Variants in ZRANB3 observed in about 807,000 individuals in gnomAD.
ZRANB3 encodes DNA annealing helicase and endonuclease ZRANB3.
Under a neutral mutation model 133.8 loss-of-function variants are expected in ZRANB3, and 125 were observed. The observed-to-expected ratio is 0.93, with a 90% confidence interval of 0.81 to 1.08. ZRANB3 has a LOEUF of 1.08. Among genes scored for constraint, ZRANB3 ranks in the 50% least tolerant of loss-of-function variants. The pLI is 0.00. For missense variants in ZRANB3, 1,229 were observed against 1,275.5 expected, an observed-to-expected ratio of 0.96 and a Z score of 0.56; for synonymous variants, 387 against 432.7, an observed-to-expected ratio of 0.89 and a Z score of 1.31.
In ZRANB3 at chr2:135,230,750, G is replaced by A. The variant is rs267598889; in HGVS notation, c.1717C>T (p.Pro573Ser). ...GCCAATTTCAATCTTTTCGTTTCAG[G>A]TTCAACATCACTTTCATAATCGATG... is the stretch of plus-strand genomic sequence containing the variant. ...DIIDYESDVEPETKRLKLAAS... is the reference protein window; with the variant it reads ...DIIDYESDVESETKRLKLAAS... The change falls in exon 13 of 21, where the codon CCT (proline) becomes TCT (serine). Residue 573 changes from proline (P) to serine (S), a missense_variant. Coordinates refer to ENST00000264159, the MANE Select transcript of ZRANB3 (RefSeq NM_032143.4). The A allele has an allele frequency of 3.6e-5, 58 of 1,613,594 alleles. No homozygotes were observed. In the African/African-American group the frequency reaches 6.8e-4, roughly 19 times the overall value.
At chr2:135,394,390 G>A (rs2104930441) in intron 2 of ZRANB3, among the ~76,000 whole-genome samples, 1 of 152,176 alleles carries the variant, frequency 6.6e-6, no homozygotes, top group African/African-American at 2.4e-5. Context: ...ATAATTTAAT[G>A]GACCATATAC....
intron 12 of ZRANB3, among the ~76,000 whole-genome samples, chr2:135,240,102 G>T (rs980557378): frequency 2.0e-5 from 3 of 152,146 alleles, no homozygotes; most frequent in Non-Finnish European, 4.4e-5. Context: ...AGTACATTGG[G>T]AAGCCAAGAC....
chr2:135,473,779 G>A (rs1691382748), intron 2 of ZRANB3, among the ~76,000 whole-genome samples: 1 of 152,168 alleles, frequency 6.6e-6, no homozygotes, highest in African/African-American at 2.4e-5. Flanking sequence ...CCAGGTGGCA[G>A]TGTGGCCCAG....
rs1271553893 is a variant in ZRANB3, at chr2:135,380,329, G to C, written c.180+10473C>G. Among the ~76,000 whole-genome samples the C allele has an allele frequency of 5.3e-5, 8 of 152,174 alleles. No individual in the cohort carries two copies. The East Asian group carries it at 1.5e-3, about 29-fold the overall frequency. ...CAAGCGGACCTAATAGACATCTACAGAACTCTCCACCCCAAATCAACAGAA... is the reference window on the plus strand; with the variant it reads ...CAAGCGGACCTAATAGACATCTACACAACTCTCCACCCCAAATCAACAGAA... On this transcript the variant is annotated intron_variant, in intron 3 of 20. Coordinates refer to ENST00000264159, the MANE Select transcript of ZRANB3 (RefSeq NM_032143.4).
chr2:135,373,525 C>T (rs932826737), intron 3 of ZRANB3, among the ~76,000 whole-genome samples: 4 of 152,074 alleles, frequency 2.6e-5, no homozygotes, highest in Non-Finnish European at 4.4e-5. Context: ...CAGTGGCTCA[C>T]ACCTGTAACT....
chr2:135,277,945 A>C (rs1021044180), intron 8 of ZRANB3, among the ~76,000 whole-genome samples: 24 of 150,684 alleles, frequency 1.6e-4, no homozygotes, highest in African/African-American at 3.0e-4. Flanking sequence ...AAAAAAAAAA[A>C]CAAATATAAA....
intron 6 of ZRANB3, among the ~76,000 whole-genome samples, chr2:135,344,356 T>C (rs1684826043): frequency 6.6e-6 from 1 of 152,234 alleles, no homozygotes; most frequent in South Asian, 2.1e-4. Context: ...CATTGCTGCA[T>C]TGTATGCACA....
chr2:135,248,324 A>G (rs1695893447), intron 12 of ZRANB3, among the ~76,000 whole-genome samples: 1 of 152,206 alleles, frequency 6.6e-6, no homozygotes, highest in Non-Finnish European at 1.5e-5. Context: ...GCCCAAAAGT[A>G]TAAAAGCCCT....
intron 6 of ZRANB3, among the ~76,000 whole-genome samples, chr2:135,329,419 T>G (rs1684023198): frequency 6.6e-6 from 1 of 152,236 alleles, no homozygotes; most frequent in Non-Finnish European, 1.5e-5. Flanking sequence ...TTGCTCAATA[T>G]ATCTGTTTTG....
intron 6 of ZRANB3, among the ~76,000 whole-genome samples, chr2:135,325,478 G>A (rs1683765577): frequency 1.3e-5 from 2 of 151,974 alleles, no homozygotes; most frequent in African/African-American, 4.8e-5. Flanking sequence ...CTCACTGCAA[G>A]CTCCGCCTCC....
intron 3 of ZRANB3, among the ~76,000 whole-genome samples, chr2:135,388,074 G>A (rs554624064): frequency 7.2e-5 from 11 of 152,202 alleles, no homozygotes; most frequent in Non-Finnish European, 1.0e-4. Context: ...GTTCCACATG[G>A]CTAGGGAGGC....
chr2:135,405,262 A>G (rs1280014364), intron 2 of ZRANB3, among the ~76,000 whole-genome samples: 2 of 152,250 alleles, frequency 1.3e-5, no homozygotes, highest in Non-Finnish European at 2.9e-5. Context: ...TTCAACAAGA[A>G]GAGCTAACTA....
chr2:135,495,477 T>C (rs979719373), intron 2 of ZRANB3, among the ~76,000 whole-genome samples: 1 of 152,214 alleles, frequency 6.6e-6, no homozygotes, highest in Non-Finnish European at 1.5e-5. Context: ...TACTCTCAAA[T>C]GGTTTATAAA....
intron 3 of ZRANB3, among the ~76,000 whole-genome samples, chr2:135,357,134 T>C (rs541757595): frequency 6.6e-6 from 1 of 152,254 alleles, no homozygotes; most frequent in African/African-American, 2.4e-5. Context: ...TGTCACTCTG[T>C]CACCAAGGGT....
At chr2:135,392,487 C>T (rs184011757) in intron 2 of ZRANB3, among the ~76,000 whole-genome samples, 73 of 152,012 alleles carry the variant, frequency 4.8e-4, no homozygotes, top group East Asian at 1.5e-3. Flanking sequence ...CGGTGGCTAA[C>T]GCCTGTAATC....
intron 2 of ZRANB3, among the ~76,000 whole-genome samples, chr2:135,413,850 CA>C (rs373328053): frequency 6.6e-6 from 1 of 152,048 alleles, no homozygotes; most frequent in Non-Finnish European, 1.5e-5. Flanking sequence ...CATATCCAGC[CA>C]AACTAGGCTT....
At chr2:135,311,519 C>G (rs1217909124) in intron 8 of ZRANB3, among the ~76,000 whole-genome samples, 4 of 151,664 alleles carry the variant, frequency 2.6e-5, no homozygotes, top group Non-Finnish European at 5.9e-5. Flanking sequence ...ATGATTATAC[C>G]ACTTTGACTT....
intron 2 of ZRANB3, among the ~76,000 whole-genome samples, chr2:135,444,352 A>G (rs544985982): frequency 6.6e-6 from 1 of 152,336 alleles, no homozygotes; most frequent in South Asian, 2.1e-4. Flanking sequence ...TAATAGCCCC[A>G]AAGTGGAAAA....
chr2:135,485,243 T>C (rs929601466), intron 2 of ZRANB3, among the ~76,000 whole-genome samples: 1 of 151,644 alleles, frequency 6.6e-6, no homozygotes, highest in Non-Finnish European at 1.5e-5. Flanking sequence ...GTAGGAGGAA[T>C]AGCTGTGTTG....
Sources: gnomAD v4.1 joint callset for allele counts (sites outside exome capture counted in the v4.1 genomes callset) on GRCh38, gnomAD v4.1.1 for gene constraint, MANE v1.5 for transcripts, NCBI Gene and HGNC (gene_info 2026-07-23, HGNC 2026-07-21) for gene names.